ATPSCKMT: variants seen among roughly 807,000 people sequenced by gnomAD.
ATPSCKMT encodes the protein ATP synthase subunit C lysine N-methyltransferase.
A neutral mutation model predicts 24.3 loss-of-function variants in ATPSCKMT; 24 were observed. The ratio of observed to expected loss-of-function variants is 0.99; its 90% CI spans 0.71 to 1.39. The LOEUF (loss-of-function observed/expected upper bound fraction) is 1.39, where lower values mean the gene tolerates loss of function less well. Among genes scored for constraint, ATPSCKMT ranks in the 40% most tolerant of loss-of-function variants. The pLI is 0.00. For synonymous variants in ATPSCKMT, 95 were observed against 110.5 expected, an observed-to-expected ratio of 0.86 and a Z score of 0.88; for missense variants, 311 against 298.4, an observed-to-expected ratio of 1.04 and a Z score of -0.31.
intron 1 of ATPSCKMT, 118 bp from the exon 2 acceptor site, chr5:10,239,474 C>T (rs1363982226): frequency 1.1e-6 from 1 of 871,816 alleles, no homozygotes; most frequent in African/African-American, 1.7e-5. Context: ...GATAATTTAG[C>T]TGAATACAAG....
At chr5:10,245,337 G>A (rs1003691449) in intron 1 of ATPSCKMT, among the ~76,000 whole-genome samples, 3 of 152,092 alleles carry the variant, frequency 2.0e-5, no homozygotes, top group Non-Finnish European at 2.9e-5. Flanking sequence ...GGAGAATGGC[G>A]TGAACCTGGA....
At chr5:10,234,916 G>A (rs1400456315) in intron 4 of ATPSCKMT, among the ~76,000 whole-genome samples, 1 of 152,206 alleles carries the variant, frequency 6.6e-6, no homozygotes, top group Non-Finnish European at 1.5e-5. Context: ...TGTGAAAACT[G>A]CAAACTACAT....
At chr5:10,247,084 G>T (rs886879968) in intron 1 of ATPSCKMT, among the ~76,000 whole-genome samples, 1 of 152,236 alleles carries the variant, frequency 6.6e-6, no homozygotes, top group Non-Finnish European at 1.5e-5. Context: ...TATGTGCACT[G>T]TGATGAAACT....
intron 1 of ATPSCKMT, among the ~76,000 whole-genome samples, chr5:10,241,921 TC>T (rs1231494196): frequency 6.6e-6 from 1 of 152,226 alleles, no homozygotes; most frequent in Non-Finnish European, 1.5e-5. Context: ...AATTTTAAAA[TC>T]CTTTATTGCT....
Position 10,227,505 on chromosome 5 carries a change from GTGCT to G in ATPSCKMT, c.634_637del (p.Ser212LeufsTer33), listed in dbSNP as rs1314788278. 6.2e-7 allele frequency: 1 copy of G among 1,614,150 alleles called. No homozygotes were observed. The highest frequency in any genetic ancestry group is 2.2e-5 in the East Asian group (1 of 44,892). ...GGGCCTCTTTTCACGGCCTCTAAAAGTGCTTGCATCATATGCCCACACTGTGTCT... is the reference window on the plus strand; with the variant it reads ...GGGCCTCTTTTCACGGCCTCTAAAAGTGCATCATATGCCCACACTGTGTCT... On this transcript the variant is annotated frameshift_variant, in exon 5 of 5. Coordinates refer to ENST00000511437, the MANE Select transcript of ATPSCKMT (RefSeq NM_199133.4). LOFTEE classifies it low-confidence loss of function (END_TRUNC).
At chr5:10,241,945 CTGATT>C (rs1744663358) in intron 1 of ATPSCKMT, among the ~76,000 whole-genome samples, 1 of 152,100 alleles carries the variant, frequency 6.6e-6, no homozygotes, top group Non-Finnish European at 1.5e-5. Context: ...ACATTTTGGT[CTGATT>C]TATCTTCGAA....
chr5:10,232,159 G>A (rs1427681272), intron 4 of ATPSCKMT, among the ~76,000 whole-genome samples: 2 of 152,016 alleles, frequency 1.3e-5, no homozygotes, highest in Non-Finnish European at 2.9e-5. Flanking sequence ...CCAAGATCAC[G>A]CTCTACTGCA....
In ATPSCKMT at chr5:10,239,092, T is replaced by G. The variant is rs751087302; in HGVS notation, c.281A>C (p.Asp94Ala). The G allele has an allele frequency of 5.0e-6, 8 of 1,614,046 alleles. No individual in the cohort carries two copies. The South Asian group carries it at 8.8e-5, about 18-fold the overall frequency. Residue 94 changes from aspartate (D) to alanine (A), a missense_variant, in exon 2 of 5, where the codon GAC (aspartate) becomes GCC (alanine). Asp to Ala is a moderately radical substitution (Grantham distance 126). Transcript: ENST00000511437. ...MLRCRRGSLV[D>A]IGSGDGRIVI... is the part of the protein sequence containing the mutation. ...AATGCGTCCGTCCCCACTACCGATG[T>G]CCACAAGGGATCCTCTTCGGCATCG...
chr5:10,239,852 T>C (rs1042721204), intron 1 of ATPSCKMT, among the ~76,000 whole-genome samples: 2 of 152,100 alleles, frequency 1.3e-5, no homozygotes, highest in Non-Finnish European at 1.5e-5. Context: ...TTTAAAGTAA[T>C]AGAAGAGACA....
At chr5:10,230,591 T>C (rs1168038258) in intron 4 of ATPSCKMT, among the ~76,000 whole-genome samples, 2 of 152,224 alleles carry the variant, frequency 1.3e-5, no homozygotes, top group African/African-American at 2.4e-5. Context: ...TGATGTGTCA[T>C]GTCTGCGTAA....
intron 1 of ATPSCKMT, chr5:10,248,519 T>A (rs1400686465): frequency 2.0e-5 from 3 of 152,120 alleles, no homozygotes; most frequent in Non-Finnish European, 2.9e-5. Flanking sequence ...GCATGAAGAG[T>A]TAACAGATCA....
At chr5:10,229,754 G>A (rs1265839702) in intron 4 of ATPSCKMT, among the ~76,000 whole-genome samples, 1 of 152,170 alleles carries the variant, frequency 6.6e-6, no homozygotes, top group Non-Finnish European at 1.5e-5. Flanking sequence ...TCTGCTATAA[G>A]GACAAACACC....
chr5:10,232,972 G>A (rs1449042021), intron 4 of ATPSCKMT, among the ~76,000 whole-genome samples: 1 of 152,202 alleles, frequency 6.6e-6, no homozygotes, highest in Admixed American at 6.5e-5. Flanking sequence ...AGATCCAGAT[G>A]GGATTCCTGC....
chr5:10,228,774 G>A (rs1477058722), intron 4 of ATPSCKMT, among the ~76,000 whole-genome samples: 1 of 151,742 alleles, frequency 6.6e-6, no homozygotes, highest in African/African-American at 2.4e-5. Flanking sequence ...CCGCCTCCTA[G>A]ACTCAAATCA....
intron 4 of ATPSCKMT, among the ~76,000 whole-genome samples, chr5:10,231,927 G>C (rs562961200): frequency 3.7e-4 from 56 of 152,350 alleles, no homozygotes; most frequent in African/African-American, 1.2e-3. Flanking sequence ...TAAAAGCCAA[G>C]CATGGTGGCT....
At position 10,236,540 on chromosome 5, in the gene ATPSCKMT, A is replaced by T. The variant is rs1025756428; in HGVS notation, c.382T>A (p.Tyr128Asn). Residue 128 changes from tyrosine (Y) to asparagine (N), a missense_variant, in exon 3 of 5, where the codon TAC becomes AAC. Tyr to Asn is a moderately radical substitution (Grantham distance 143). Transcript: ENST00000511437. The stretch of plus-strand genomic sequence containing the variant: ...TGCACACCTTCTCGCCAAGCGCGGT[A>T]TCTGGAATACCAAACTAGCCATGGG... ...LNPWLVWYSR[Y>N]RAWREGVHGS... The T allele has an allele frequency of 4.3e-6, 7 of 1,614,234 alleles. No individual in the cohort carries two copies. The highest frequency in any genetic ancestry group is 1.7e-5 in the Admixed American group (1 of 60,026).
At chr5:10,230,405 T>A (rs80348581) in intron 4 of ATPSCKMT, among the ~76,000 whole-genome samples, 5,144 of 152,308 alleles carry the variant, frequency 0.034, 118 homozygotes, top group African/African-American at 0.066. Context: ...TTATTCATGA[T>A]GCTATTATTC....
chr5:10,237,719 C>A (rs554116089), intron 2 of ATPSCKMT, among the ~76,000 whole-genome samples: 4 of 151,980 alleles, frequency 2.6e-5, no homozygotes, highest in Non-Finnish European at 5.9e-5. Flanking sequence ...TCAGGTATGT[C>A]TTTATCAGCA....
At position 10,239,141 on chromosome 5, in the gene ATPSCKMT, T is replaced by C. The variant is rs1402997263; in HGVS notation, c.232A>G (p.Ile78Val). ...LPFVPATTKQ[I>V]ENVVKMLRCR... ...CGCAACATTTTCACAACATTTTCAA[T>C]CTGCTTCGTAGTTGCAGGTACAAAC... Residue 78 changes from isoleucine (I) to valine (V), a missense_variant, in exon 2 of 5, where the codon ATT (isoleucine) becomes GTT (valine). Physicochemically the swap from Ile to Val is conservative, Grantham distance 29 (BLOSUM62 3). Transcript: ENST00000511437. The C allele has an allele frequency of 1.2e-6, 2 of 1,614,196 alleles. No homozygotes were observed. Among genetic ancestry groups the C allele is most frequent in the Non-Finnish European group, 1.7e-6 (2 of 1,180,052 alleles).
Sources: gnomAD v4.1 joint callset for allele counts (sites outside exome capture counted in the v4.1 genomes callset) on GRCh38, gnomAD v4.1.1 for gene constraint, MANE v1.5 for transcripts, NCBI Gene and HGNC (gene_info 2026-07-23, HGNC 2026-07-21) for gene names.